GLIS3: variants seen among roughly 807,000 people sequenced by gnomAD.
GLIS3 encodes zinc finger protein GLIS3.
In GLIS3, 53 loss-of-function variants were observed where a neutral mutation model predicts 78.6. That is an observed-to-expected ratio of 0.67 (90% confidence interval 0.54 to 0.85). The LOEUF (loss-of-function observed/expected upper bound fraction) is 0.85, where lower values mean the gene tolerates loss of function less well. Among genes scored for constraint, GLIS3 ranks in the 40% least tolerant of loss-of-function variants. The pLI, the probability that GLIS3 is intolerant of heterozygous loss-of-function variation, is 0.00. For missense variants in GLIS3, 1,703 were observed against 1,231.1 expected (o/e 1.38, Z -5.74); for synonymous variants, 684 against 509.9 (o/e 1.34, Z -4.60).
chr9:4,155,130 T>C (rs762129797), intron 2 of GLIS3, among the ~76,000 whole-genome samples: 2 of 152,328 alleles, frequency 1.3e-5, no homozygotes, highest in Middle Eastern at 3.4e-3. Flanking sequence ...TTATTCTTTT[T>C]TCGGTATTTA....
intron 2 of GLIS3, among the ~76,000 whole-genome samples, chr9:4,173,293 T>A (rs556683882): frequency 1.0e-3 from 155 of 152,298 alleles, no homozygotes; most frequent in African/African-American, 3.6e-3. Context: ...TTTAATGCCT[T>A]CGAGCTCAGC....
At chr9:4,104,188 T>C (rs963259429) in intron 4 of GLIS3, among the ~76,000 whole-genome samples, 5 of 152,122 alleles carry the variant, frequency 3.3e-5, no homozygotes, top group African/African-American at 1.2e-4. Flanking sequence ...ACTATTTGAA[T>C]GTCTAAAAGG....
At position 4,299,885 on chromosome 9, in the gene GLIS3, TGGACGGCGC is replaced by T. The variant is rs955027492; in HGVS notation, c.-572_-564del. 2 of 152,110 alleles carry T rather than the reference TGGACGGCGC, an allele frequency of 1.3e-5. No individual in the cohort carries two copies. Among genetic ancestry groups the T allele is most frequent in the Admixed American group, 6.5e-5 (1 of 15,284 alleles). The allele number at this position is 152,110 out of a possible 1,614,324, so 9.4% of individuals were successfully genotyped here. A position where few individuals can be genotyped will look rare whatever the true frequency, so the allele number is the denominator to read the frequency against. On this transcript the variant is annotated 5_prime_UTR_variant, in exon 1 of 11. Transcript: ENST00000381971. Reference sequence around the variant, plus strand: ...GCGGGTTCCGTCGCCGGTGTGACCCTGGACGGCGCGGACGGCGTACAGGGGGTCCCGGGA... The same window carrying T: ...GCGGGTTCCGTCGCCGGTGTGACCCTGGACGGCGTACAGGGGGTCCCGGGA...
intron 1 of GLIS3, among the ~76,000 whole-genome samples, chr9:4,286,982 C>T (rs1306593225): frequency 6.6e-6 from 1 of 152,202 alleles, no homozygotes. Flanking sequence ...ACTATGGGGA[C>T]ACTAAACCAT....
intron 2 of GLIS3, among the ~76,000 whole-genome samples, chr9:4,182,399 A>T (rs1817409245): frequency 6.6e-6 from 1 of 152,208 alleles, no homozygotes; most frequent in African/African-American, 2.4e-5. Context: ...GATTTTCCCC[A>T]AATCTTAACC....
In GLIS3 at chr9:4,286,222, C is replaced by T; in HGVS notation, c.204G>A (p.Met68Ile). Residue 68 changes from methionine (M) to isoleucine (I), a missense_variant, in exon 2 of 11, where the codon ATG (methionine) becomes ATA (isoleucine). Met to Ile is a conservative substitution (Grantham distance 10). Coordinates refer to ENST00000381971, the MANE Select transcript of GLIS3 (RefSeq NM_001042413.2). ...TCTCAGCCACGTTGTTCTGAGGAGC[C>T]ATCCCTCCTCCTGAGGGCATCTTGA... ...LHLKMPSGGGMAPQNNVAESR... is the reference protein window; with the variant it reads ...LHLKMPSGGGIAPQNNVAESR... 1.9e-6 allele frequency: 3 copies of T among 1,614,218 alleles called. No homozygotes were observed. Among genetic ancestry groups the T allele is most frequent in the Non-Finnish European group, 2.5e-6 (3 of 1,180,038 alleles).
At chr9:4,394,302 T>G in the GLIS3 span, among the ~76,000 whole-genome samples, 1 of 151,232 alleles carries the variant, frequency 6.6e-6, no homozygotes, top group Non-Finnish European at 1.5e-5. Flanking sequence ...ATTATTTAAA[T>G]TAAATAATTT....
intron 2 of GLIS3, among the ~76,000 whole-genome samples, chr9:4,277,066 T>G (rs1342107227): frequency 6.6e-6 from 1 of 152,142 alleles, no homozygotes; most frequent in Non-Finnish European, 1.5e-5. Flanking sequence ...CCAACCTTCT[T>G]TAGGTAATAT....
At chr9:4,012,759 CTTTT>C (rs1393297422) in intron 4 of GLIS3, among the ~76,000 whole-genome samples, 2 of 103,506 alleles carry the variant, frequency 1.9e-5, no homozygotes, top group Non-Finnish European at 4.1e-5. Flanking sequence ...TCTTTTTTTT[CTTTT>C]TCTTTTTTTT....
intron 2 of GLIS3, among the ~76,000 whole-genome samples, chr9:4,163,385 C>T (rs1835653694): frequency 6.6e-6 from 1 of 152,260 alleles, no homozygotes; most frequent in South Asian, 2.1e-4. Flanking sequence ...CCTCATTTAA[C>T]ATAACAATTT....
rs774829402 is a variant in GLIS3, at chr9:4,286,262, G to A, written c.164C>T (p.Ala55Val). 3 of 1,614,220 alleles carry A rather than the reference G, an allele frequency of 1.9e-6. No homozygotes were observed. Among genetic ancestry groups the A allele is most frequent in the South Asian group, 1.1e-5 (1 of 91,088 alleles). ...STSSPTMASLANNLHLKMPSG... is the reference protein window; with the variant it reads ...STSSPTMASLVNNLHLKMPSG... ...GGGCATCTTGAGATGGAGGTTGTTA[G>A]CAAGGCTTGCCATAGTGGGACTCGA... Residue 55 changes from alanine to valine, a missense_variant, in exon 2 of 11, where the codon GCT becomes GTT. Ala to Val is a moderately conservative substitution (Grantham distance 64). Coordinates refer to ENST00000381971, the MANE Select transcript of GLIS3 (RefSeq NM_001042413.2).
chr9:4,139,329 G>C (rs1249019874), intron 2 of GLIS3, among the ~76,000 whole-genome samples: 1 of 152,174 alleles, frequency 6.6e-6, no homozygotes, highest in Non-Finnish European at 1.5e-5. Context: ...ATATCTGTTG[G>C]ATGAATAGGT....
the GLIS3 span, among the ~76,000 whole-genome samples, chr9:4,403,954 T>A: frequency 6.6e-6 from 1 of 151,850 alleles, no homozygotes; most frequent in Non-Finnish European, 1.5e-5. Flanking sequence ...GAAAATAAGA[T>A]CCAATGATCT....
chr9:4,196,795 G>A (rs986519768), intron 2 of GLIS3, among the ~76,000 whole-genome samples: 6 of 152,050 alleles, frequency 3.9e-5, no homozygotes, highest in African/African-American at 7.3e-5. Context: ...CCCCAATTTC[G>A]GACACACAAC....
chr9:4,077,995 T>C (rs1828223204), intron 4 of GLIS3, among the ~76,000 whole-genome samples: 1 of 152,216 alleles, frequency 6.6e-6, no homozygotes, highest in Non-Finnish European at 1.5e-5. Flanking sequence ...AGTTTTCTGA[T>C]ACCTAGTTCA....
chr9:3,856,715 G>C (rs144841125), intron 8 of GLIS3, among the ~76,000 whole-genome samples: 1 of 152,282 alleles, frequency 6.6e-6, no homozygotes, highest in African/African-American at 2.4e-5. Context: ...TGCCAAGAAT[G>C]AATTAACTTA....
intron 2 of GLIS3, among the ~76,000 whole-genome samples, chr9:4,189,270 G>A (rs940905712): frequency 6.6e-6 from 1 of 152,146 alleles, no homozygotes; most frequent in Non-Finnish European, 1.5e-5. Flanking sequence ...TAGTCATTCA[G>A]GAGCAGGTTT....
At chr9:3,931,706 G>C (rs1449879652) in intron 6 of GLIS3, among the ~76,000 whole-genome samples, 2 of 152,130 alleles carry the variant, frequency 1.3e-5, no homozygotes, top group African/African-American at 4.8e-5. Context: ...GAGCAAGCCA[G>C]GTGGACAGGA....
chr9:4,159,958 C>G (rs1033687631), intron 2 of GLIS3, among the ~76,000 whole-genome samples: 19 of 152,062 alleles, frequency 1.2e-4, no homozygotes, highest in African/African-American at 4.6e-4. Flanking sequence ...TAAGAGACAA[C>G]CAAGAATGAA....
Sources: allele counts gnomAD v4.1 joint callset (sites outside exome capture counted in the v4.1 genomes callset), GRCh38; gene constraint gnomAD v4.1.1; transcripts MANE v1.5; gene names NCBI Gene and HGNC (gene_info 2026-07-23, HGNC 2026-07-21).